TTC28: variants seen among roughly 807,000 people sequenced by gnomAD.
TTC28 encodes tetratricopeptide repeat domain 28.
Under a neutral mutation model 198.0 loss-of-function variants are expected in TTC28, and 61 were observed. The observed-to-expected ratio is 0.31, with a 90% confidence interval of 0.25 to 0.38. TTC28 has a LOEUF of 0.38. Among genes scored for constraint, TTC28 ranks in the 10% least tolerant of loss-of-function variants. The pLI, the probability that TTC28 is intolerant of heterozygous loss-of-function variation, is 1.00. For synonymous variants in TTC28, 1,171 were observed against 1,297.8 expected (o/e 0.90, Z 2.10); for missense variants, 2,678 against 3,164.0 (o/e 0.85, Z 3.69).
chr22:28,444,881 T>G (rs2047679805), intron 2 of TTC28, among the ~76,000 whole-genome samples: 1 of 152,222 alleles, frequency 6.6e-6, no homozygotes, highest in Admixed American at 6.5e-5. Flanking sequence ...TCGAGAAGAT[T>G]ACATAACTGC....
rs1032299388 is a variant in TTC28 at position 28,545,692 on chromosome 22, T to C, written c.381+83860A>G. Among the ~76,000 whole-genome samples the C allele has an allele frequency of 5.9e-5, 9 of 152,278 alleles. No individual in the cohort carries two copies. The East Asian group carries it at 1.3e-3, about 23-fold the overall frequency. On this transcript the variant is annotated intron_variant, in intron 2 of 22. Transcript: ENST00000397906. ...TATTTCTAATACTAGCAATAGACAA[T>C]TGGATATTTAAATTTAAAAATATAT...
At chr22:28,596,849 T>C (rs1180790541) in intron 2 of TTC28, among the ~76,000 whole-genome samples, 1 of 152,182 alleles carries the variant, frequency 6.6e-6, no homozygotes, top group Non-Finnish European at 1.5e-5. Flanking sequence ...TATGGAAGTG[T>C]CATTAAATAT....
At position 27,982,445 on chromosome 22, in the gene TTC28, C is replaced by T. The variant is rs1431026566; in HGVS notation, c.7222G>A (p.Val2408Met). 6.4e-7 allele frequency: 1 copy of T among 1,551,526 alleles called. No individual in the cohort carries two copies. The highest frequency in any genetic ancestry group is 1.2e-5 in the South Asian group (1 of 84,046). Residue 2408 changes from valine to methionine, a missense_variant, in exon 23 of 23, where the codon GTG (valine) becomes ATG (methionine). Transcript: ENST00000397906. The surrounding 1 kb of genome is among the most constrained non-coding windows in gnomAD (Gnocchi z 5.2). ...SPRHNKKEEGVDKLELKELSL... is the reference protein window; with the variant it reads ...SPRHNKKEEGMDKLELKELSL... ...AGCTCCTTCAGTTCAAGCTTATCCA[C>T]TCCCTCCTCCTTCTTATTGTGCCGT...
rs1188734847 is a variant in TTC28, at chr22:28,101,182, C to T, written c.3406G>A (p.Ala1136Thr). The change falls in exon 9 of 23, where the codon GCC becomes ACC. Residue 1136 changes from alanine to threonine, a missense_variant. This residue lies in a region of TTC28 where 727 missense variants were observed against 861.9 expected (regional missense o/e 0.84). Transcript: ENST00000397906. ...SLWASGNLEE[A>T]QHQLYRASAL... ...GGGGTTCTGCTTACCTGGTGTTGGG[C>T]CTCCTCCAAGTTTCCACTAGCCCAA... 5.2e-6 allele frequency: 8 copies of T among 1,550,336 alleles called. No individual in the cohort carries two copies. The highest frequency in any genetic ancestry group is 2.4e-5 in the East Asian group (1 of 40,916).
rs2051870852 is a variant in TTC28, at chr22:28,670,990, A to C, written c.102+8632T>G. Among the ~76,000 whole-genome samples, 2 of 152,070 alleles carry C rather than the reference A, an allele frequency of 1.3e-5. 1 individual carries two copies. The highest frequency in any genetic ancestry group is 4.1e-4 in the South Asian group (2 of 4,830). ...TTTTCATGTTATTGGCCATTTGTAT[A>C]TCTTTAGGAAATGTCTACTTTTTTG... On this transcript the variant is annotated intron_variant, in intron 1 of 22. Coordinates refer to ENST00000397906, the MANE Select transcript of TTC28 (RefSeq NM_001145418.2).
intron 2 of TTC28, among the ~76,000 whole-genome samples, chr22:28,512,892 A>G (rs1310633719): frequency 6.6e-6 from 1 of 152,078 alleles, no homozygotes. Flanking sequence ...ACACCTGCAC[A>G]TCCTGCACGT....
chr22:27,981,439 A>C lies in TTC28; in HGVS notation c.*782T>G, dbSNP rs551299219. 6.6e-6 allele frequency: 1 copy of C among 152,142 alleles called. No homozygotes were observed. Among genetic ancestry groups the C allele is most frequent in the Admixed American group, 6.5e-5 (1 of 15,288 alleles). 9.4% of individuals were successfully genotyped at this position (152,142 alleles called of 1,614,324 possible). On this transcript the variant is annotated 3_prime_UTR_variant, in exon 23 of 23. Coordinates refer to ENST00000397906, the MANE Select transcript of TTC28 (RefSeq NM_001145418.2). ...CCAAGTTGTTTATCCATATACAAAA[A>C]AGGTCAATAATGTTTTAAAAGCACA...
intron 12 of TTC28, among the ~76,000 whole-genome samples, chr22:28,048,772 A>C (rs1939966945): frequency 6.6e-6 from 1 of 151,974 alleles, no homozygotes; most frequent in Admixed American, 6.5e-5. Context: ...AGCACTCTCC[A>C]TTCCACAAAC....
At chr22:28,641,439 T>G (rs1427489733) in intron 1 of TTC28, among the ~76,000 whole-genome samples, 1 of 152,200 alleles carries the variant, frequency 6.6e-6, no homozygotes, top group East Asian at 1.9e-4. Flanking sequence ...ATGATTCAAT[T>G]TATTAAATCT....
intron 2 of TTC28, among the ~76,000 whole-genome samples, chr22:28,581,078 C>T (rs896429222): frequency 6.6e-6 from 1 of 152,102 alleles, no homozygotes; most frequent in Non-Finnish European, 1.5e-5. Flanking sequence ...GAATTCTAAT[C>T]CCCAAATGTT....
intron 5 of TTC28, among the ~76,000 whole-genome samples, chr22:28,288,665 T>C (rs1184027677): frequency 6.7e-6 from 1 of 149,596 alleles, no homozygotes; most frequent in Non-Finnish European, 1.5e-5. Flanking sequence ...AAAAAAAAAA[T>C]AGCCAGGCGT....
intron 2 of TTC28, among the ~76,000 whole-genome samples, chr22:28,337,415 G>C (rs2045747105): frequency 6.6e-6 from 1 of 152,132 alleles, no homozygotes; most frequent in African/African-American, 2.4e-5. Flanking sequence ...CTGTCTCGTT[G>C]ATCTGTCTAA....
At chr22:28,330,920 T>C (rs1221768613) in intron 2 of TTC28, among the ~76,000 whole-genome samples, 6 of 152,220 alleles carry the variant, frequency 3.9e-5, no homozygotes, top group Non-Finnish European at 8.8e-5. Flanking sequence ...TCCAAAATTG[T>C]ATTTTTAGGT....
intron 12 of TTC28, among the ~76,000 whole-genome samples, chr22:28,063,158 A>G (rs1403955544): frequency 6.6e-6 from 1 of 152,226 alleles, no homozygotes; most frequent in African/African-American, 2.4e-5. Flanking sequence ...ATGCATAGCT[A>G]AAGTCCCATG....
chr22:28,173,958 G>A (rs1254436728), intron 5 of TTC28, among the ~76,000 whole-genome samples: 3 of 152,074 alleles, frequency 2.0e-5, no homozygotes, highest in Admixed American at 6.5e-5. Flanking sequence ...ACATGTCATT[G>A]GAAAAATGGG....
chr22:28,545,808 T>C (rs966667696), intron 2 of TTC28, among the ~76,000 whole-genome samples: 7 of 152,130 alleles, frequency 4.6e-5, no homozygotes, highest in Admixed American at 1.3e-4. Flanking sequence ...AATTACAGAA[T>C]ATTGCTGAAA....
intron 2 of TTC28, among the ~76,000 whole-genome samples, chr22:28,527,434 T>C (rs1274539049): frequency 6.6e-6 from 1 of 151,986 alleles, no homozygotes; most frequent in African/African-American, 2.4e-5. Context: ...CCCAAGAGAG[T>C]TGCTTCAAGC....
rs554016519 is a variant in TTC28, at chr22:28,645,521, G to A, written c.103-15691C>T. Among the ~76,000 whole-genome samples, 4 of 151,978 alleles carry A rather than the reference G, an allele frequency of 2.6e-5. No individual in the cohort carries two copies. In the East Asian group the frequency reaches 7.8e-4, roughly 29 times the overall value. On this transcript the variant is annotated intron_variant, in intron 1 of 22. Transcript: ENST00000397906. ...ATGCGCCTGTAGTCCCAGCTTCTGA[G>A]GAGGCTGAGGCAGGAGAATTGCTTG...
At chr22:28,467,417 C>T (rs907560006) in intron 2 of TTC28, among the ~76,000 whole-genome samples, 11 of 152,092 alleles carry the variant, frequency 7.2e-5, no homozygotes, top group Non-Finnish European at 1.5e-4. Context: ...AAATGAGACC[C>T]TGTCTCAAAA....
Sources: allele counts gnomAD v4.1 joint callset (sites outside exome capture counted in the v4.1 genomes callset), GRCh38; gene constraint gnomAD v4.1.1; regional missense constraint gnomAD v4.1.1; non-coding constraint Gnocchi (gnomAD v3.1); transcripts MANE v1.5; gene names NCBI Gene and HGNC (gene_info 2026-07-23, HGNC 2026-07-21).